Variants in DPH7 observed in about 807,000 individuals in gnomAD.
DPH7 encodes the protein diphthamide biosynthesis 7, also known as diphthine methyltransferase.
Under a neutral mutation model 41.7 loss-of-function variants are expected in DPH7, and 44 were observed. The observed-to-expected ratio is 1.05, with a 90% confidence interval of 0.83 to 1.36. DPH7 has a LOEUF of 1.36. DPH7 is among the 40% of genes most tolerant of loss of function. The probability of loss-of-function intolerance (pLI) is 0.00; values close to 1 mark genes in which losing one functional copy is unlikely to be tolerated. For synonymous variants in DPH7, 275 were observed against 238.0 expected (o/e 1.16, Z -1.43); for missense variants, 629 against 577.5 (o/e 1.09, Z -0.91).
intron 5 of DPH7, among the ~76,000 whole-genome samples, chr9:137,572,983 GC>G (rs1840702697): frequency 6.6e-6 from 1 of 152,196 alleles, no homozygotes; most frequent in African/African-American, 2.4e-5. Context: ...GGATGGCTCT[GC>G]CCACAGGTGC....
chr9:137,569,847 C>T (rs868266328), intron 5 of DPH7, among the ~76,000 whole-genome samples: 1 of 150,982 alleles, frequency 6.6e-6, no homozygotes, highest in South Asian at 2.1e-4. Context: ...CACCACACAC[C>T]CACCAACTCA....
At position 137,555,609 on chromosome 9, in the gene DPH7, A is replaced by C; in HGVS notation, c.989T>G (p.Leu330Trp). Reference sequence around the variant, plus strand: ...GGCTCCATACACCAGCGAGTCGGGCAATGTGTGAGATGTCAGGACCGTCGC... The same window carrying C: ...GGCTCCATACACCAGCGAGTCGGGCCATGTGTGAGATGTCAGGACCGTCGC... Reference protein sequence around the residue: ...QEATVLTSHTLPDSLVYGADW... With the variant: ...QEATVLTSHTWPDSLVYGADW... Residue 330 changes from leucine to tryptophan, a missense_variant, in exon 9 of 9, where the codon TTG (leucine) becomes TGG (tryptophan). Coordinates refer to ENST00000277540, the MANE Select transcript of DPH7 (RefSeq NM_138778.5). 1 of 1,611,828 alleles carries C rather than the reference A, an allele frequency of 6.2e-7. No homozygotes were observed. The highest frequency in any genetic ancestry group is 1.3e-5 in the African/African-American group (1 of 75,000).
intron 8 of DPH7, among the ~76,000 whole-genome samples, chr9:137,561,034 A>AGAAAAAG (rs1554792986): frequency 4.6e-5 from 6 of 129,520 alleles, no homozygotes; most frequent in African/African-American, 1.8e-4. Context: ...AAAAAAAAAA[A>AGAAAAAG]AAAAAAAGAA....
At position 137,555,369 on chromosome 9, in the gene DPH7, A is replaced by G. The variant is rs377482490; in HGVS notation, c.1229T>C (p.Leu410Pro). The change falls in exon 9 of 9, where the codon CTG (leucine) becomes CCG (proline). Residue 410 changes from leucine (L) to proline (P), a missense_variant. Transcript: ENST00000277540. ...ACGTGTGGTGGCTGCTGTAGCCTGC[A>G]GCCAGGTGCCATTCTTCCTCATGCC... is the stretch of plus-strand genomic sequence containing the variant. ...TEGMRKNGTW[L>P]QATAATTRDC... 1.4e-5 allele frequency: 23 copies of G among 1,614,206 alleles called. No homozygotes were observed. The highest frequency in any genetic ancestry group is 1.8e-5 in the Non-Finnish European group (21 of 1,180,034).
chr9:137,555,680 A>C, intron 8 of DPH7, 32 bp from the exon 9 acceptor site: 5 of 1,552,270 alleles, frequency 3.2e-6, no homozygotes, highest in Non-Finnish European at 4.4e-6. Flanking sequence ...CCCAGGAAAC[A>C]CAACATCACC....
chr9:137,576,165 C>G lies in DPH7; in HGVS notation c.290G>C (p.Cys97Ser). 1 of 1,613,758 alleles carries G rather than the reference C, an allele frequency of 6.2e-7. No homozygotes were observed. Among genetic ancestry groups the G allele is most frequent in the Non-Finnish European group, 8.5e-7 (1 of 1,179,996 alleles). Residue 97 changes from cysteine (C) to serine (S), a missense_variant and splice_region_variant, in exon 3 of 9, where the codon TGT becomes TCT. Coordinates refer to ENST00000277540, the MANE Select transcript of DPH7 (RefSeq NM_138778.5). Reference sequence around the variant, plus strand: ...GGCATGTCCAGCCACCGGGATGTGACACCTGAGGAGAGGGCCCACCATAAG... The same window carrying G: ...GGCATGTCCAGCCACCGGGATGTGAGACCTGAGGAGAGGGCCCACCATAAG... ...DTSAILDMKW[C>S]HIPVAGHALL... is the part of the protein sequence containing the mutation.
At chr9:137,558,735 CTTT>C (rs1837963970) in intron 8 of DPH7, among the ~76,000 whole-genome samples, 2 of 152,128 alleles carry the variant, frequency 1.3e-5, no homozygotes, top group African/African-American at 4.8e-5. Context: ...TGAATGTCTT[CTTT>C]TATTTTTTAT....
At chr9:137,577,729 A>G (rs561377412) in intron 1 of DPH7, 126 bp from the exon 2 acceptor site, 2 of 1,264,334 alleles carry the variant, frequency 1.6e-6, no homozygotes, top group African/African-American at 3.0e-5. Flanking sequence ...GCCTGGAAGG[A>G]GAACCTCTGG....
chr9:137,578,901 A>T lies in DPH7; in HGVS notation c.-124T>A. The T allele has an allele frequency of 9.4e-7, 1 of 1,068,586 alleles. No homozygotes were observed. Among genetic ancestry groups the T allele is most frequent in the Non-Finnish European group, 1.2e-6 (1 of 830,674 alleles). The allele number at this position is 1,068,586 out of a possible 1,614,324, so 66.2% of individuals were successfully genotyped here. A position where few individuals can be genotyped will look rare whatever the true frequency, so the allele number is the denominator to read the frequency against. On this transcript the variant is annotated 5_prime_UTR_variant, in exon 1 of 9. Transcript: ENST00000277540. ...AGCGCAGAGCCCCAGGGACACCGTC[A>T]GCGCGGGCCGCCTCTCTCGCGACTC...
rs573554486 is a variant in DPH7, at chr9:137,561,342, C to T, written c.949+3092G>A. Among the ~76,000 whole-genome samples, 11 of 152,116 alleles carry T rather than the reference C, an allele frequency of 7.2e-5. No homozygotes were observed. The South Asian group carries it at 8.3e-4, about 11-fold the overall frequency. On this transcript the variant is annotated intron_variant, in intron 8 of 8. Coordinates refer to ENST00000277540, the MANE Select transcript of DPH7 (RefSeq NM_138778.5). Reference sequence around the variant, plus strand: ...TCACAGGTTTCCTGGCAAAAATGCACGACCCCGGCCAACATGGTGAAACCT... The same window carrying T: ...TCACAGGTTTCCTGGCAAAAATGCATGACCCCGGCCAACATGGTGAAACCT...
chr9:137,564,762 C>T lies in DPH7; in HGVS notation c.776+131G>A, dbSNP rs534031650. The T allele has an allele frequency of 5.7e-5, 81 of 1,424,084 alleles. No homozygotes were observed. The Middle Eastern group carries it at 4.9e-3, about 87-fold the overall frequency. The allele number at this position is 1,424,084 out of a possible 1,614,324, so 88.2% of individuals were successfully genotyped here. A position where few individuals can be genotyped will look rare whatever the true frequency, so the allele number is the denominator to read the frequency against. On this transcript the variant is annotated intron_variant, in intron 7 of 8. Transcript: ENST00000277540. ...CCAAACCCATATACCTACACTCCGG[C>T]GAAGCACTGGCAGACGAAATGCTGC...
chr9:137,576,007 T>A, intron 3 of DPH7, 73 bp downstream of exon 3: 1 of 1,600,382 alleles, frequency 6.2e-7, no homozygotes, highest in Non-Finnish European at 8.5e-7. Context: ...AATGTCTGTA[T>A]CAGCACAGCC....
chr9:137,574,916 G>T, intron 3 of DPH7, 73 bp from the exon 4 acceptor site: 1 of 1,595,002 alleles, frequency 6.3e-7, no homozygotes, highest in African/African-American at 1.4e-5. Flanking sequence ...TTCCTCTCCT[G>T]CAGGGAAGTC....
intron 3 of DPH7, 39 bp from the exon 4 acceptor site, chr9:137,574,882 C>T (rs374411571): frequency 5.5e-5 from 89 of 1,609,740 alleles, no homozygotes; most frequent in Non-Finnish European, 6.6e-5. Flanking sequence ...GGGAAGTAGC[C>T]GCCCCAGAAC....
chr9:137,578,601 C>CAA, intron 1 of DPH7, 24 bp downstream of exon 1: 1 of 1,460,930 alleles, frequency 6.8e-7, no homozygotes, highest in Non-Finnish European at 9.0e-7. Flanking sequence ...CCGCCCTCCC[C>CAA]TCCCGAAGCC....
At chr9:137,575,072 C>A in intron 3 of DPH7, 5 of 1,319,976 alleles carry the variant, frequency 3.8e-6, no homozygotes, top group Non-Finnish European at 4.8e-6. Context: ...GGACAACTTT[C>A]CCACAGGCTT....
chr9:137,564,041 G>A (rs973222782), intron 8 of DPH7, among the ~76,000 whole-genome samples: 1 of 152,178 alleles, frequency 6.6e-6, no homozygotes, highest in African/African-American at 2.4e-5. Flanking sequence ...TGGAGTGTGA[G>A]CTCACAGGGG....
At chr9:137,576,233 G>A (rs186262224) in intron 2 of DPH7, 66 bp from the exon 3 acceptor site, 505 of 1,428,270 alleles carry the variant, frequency 3.5e-4, no homozygotes, top group Non-Finnish European at 4.7e-4. Context: ...TGTGCGTCCC[G>A]GTAACCACAG....
At chr9:137,578,533 C>T (rs917376063) in intron 1 of DPH7, 92 bp downstream of exon 1, 17 of 1,312,842 alleles carry the variant, frequency 1.3e-5, no homozygotes, top group Non-Finnish European at 1.7e-5. Context: ...GGCCAATATC[C>T]CCTCTTCATC....
Sources: gnomAD v4.1 joint callset for allele counts (sites outside exome capture counted in the v4.1 genomes callset) on GRCh38, gnomAD v4.1.1 for gene constraint, MANE v1.5 for transcripts, NCBI Gene and HGNC (gene_info 2026-07-23, HGNC 2026-07-21) for gene names.